The following FRMPD1 variants were observed in gnomAD, a reference collection of about 807,000 sequenced individuals.
The protein encoded by FRMPD1 is FERM and PDZ domain-containing protein 1.
A neutral mutation model predicts 117.8 loss-of-function variants in FRMPD1; 76 were observed. The observed-to-expected ratio is 0.65, with a 90% confidence interval of 0.54 to 0.78. The LOEUF (loss-of-function observed/expected upper bound fraction) is 0.78, where lower values mean the gene tolerates loss of function less well. Among genes scored for constraint, FRMPD1 ranks in the 30% least tolerant of loss-of-function variants. The pLI, the probability that FRMPD1 is intolerant of heterozygous loss-of-function variation, is 0.00. For missense variants in FRMPD1, 1,786 were observed against 1,964.5 expected (o/e 0.91, Z 1.72); for synonymous variants, 783 against 770.4 (o/e 1.02, Z -0.27).
At chr9:37,724,344 C>G in intron 7 of FRMPD1, 24 bp downstream of exon 7, 1 of 1,268,148 alleles carries the variant, frequency 7.9e-7, no homozygotes, top group Non-Finnish European at 1.2e-6. Context: ...ACTTGAACTT[C>G]TTTTCCCAAG....
Position 37,740,971 on chromosome 9 carries a change from G to A in FRMPD1, c.2356+87G>A. The A allele has an allele frequency of 1.0e-6, 1 of 987,778 alleles. No homozygotes were observed. The highest frequency in any genetic ancestry group is 1.6e-5 in the African/African-American group (1 of 62,866). 61.2% of individuals were successfully genotyped at this position (987,778 alleles called of 1,614,324 possible). ...CAAGGCCTGGGGCCAAGCTTGAGAG[G>A]AAGGCACATGAGTGAAACAGGGTCC... is the stretch of plus-strand genomic sequence containing the variant. On this transcript the variant is annotated intron_variant, in intron 15 of 15. Coordinates refer to ENST00000377765, the MANE Select transcript of FRMPD1 (RefSeq NM_014907.3). The surrounding 1 kb of genome is among the most constrained non-coding windows in gnomAD (Gnocchi z 4.2).
chr9:37,692,965 T>G (rs1822196822), intron 2 of FRMPD1, among the ~76,000 whole-genome samples: 1 of 151,804 alleles, frequency 6.6e-6, no homozygotes, highest in Non-Finnish European at 1.5e-5. Context: ...ACACCCCAAC[T>G]CACACACACT....
At chr9:37,650,943 C>T (rs1335451069), upstream of FRMPD1, 1 of 150,670 alleles carries the variant, frequency 6.6e-6, no homozygotes. Context: ...CGGCTGCAGC[C>T]TCGGCGCGGG....
At chr9:37,651,772 G>A (rs568954824) in intron 1 of FRMPD1, among the ~76,000 whole-genome samples, 81 of 152,384 alleles carry the variant, frequency 5.3e-4, no homozygotes, top group African/African-American at 1.9e-3. Context: ...CCTTGGGCAA[G>A]TGCCCCCTGC....
At chr9:37,637,971 T>G in the FRMPD1 span, among the ~76,000 whole-genome samples, 12,394 of 78,820 alleles carry the variant, frequency 0.16, 2,377 homozygotes, top group Middle Eastern at 0.24. Context: ...ATGCTTTCTT[T>G]CTTTCTTTCT....
chr9:37,618,567 C>T, the FRMPD1 span, among the ~76,000 whole-genome samples: 1 of 152,156 alleles, frequency 6.6e-6, no homozygotes, highest in African/African-American at 2.4e-5. Context: ...AAATAGCCTA[C>T]ATATTAAGTG....
intron 1 of FRMPD1, among the ~76,000 whole-genome samples, chr9:37,673,987 ATTGTC>A (rs1349412141): frequency 6.6e-6 from 1 of 152,086 alleles, no homozygotes; most frequent in Non-Finnish European, 1.5e-5. Context: ...CATTTTCCCT[ATTGTC>A]TTGGGGATTA....
intron 6 of FRMPD1, among the ~76,000 whole-genome samples, chr9:37,721,029 T>C (rs1251578457): frequency 6.6e-6 from 1 of 152,190 alleles, no homozygotes; most frequent in African/African-American, 2.4e-5. Flanking sequence ...CCTGGTTGAT[T>C]TGTAAAAATG....
the FRMPD1 span, among the ~76,000 whole-genome samples, chr9:37,630,406 G>A: frequency 2.0e-5 from 3 of 151,872 alleles, no homozygotes; most frequent in African/African-American, 4.8e-5. Flanking sequence ...TTATGAGACA[G>A]GGTTTCGCTC....
intron 5 of FRMPD1, among the ~76,000 whole-genome samples, chr9:37,717,638 C>G (rs908660170): frequency 1.3e-5 from 2 of 152,100 alleles, no homozygotes. Context: ...CCTCAGCCTC[C>G]CAAAGCGCTG....
intron 1 of FRMPD1, among the ~76,000 whole-genome samples, chr9:37,688,088 A>C (rs980557149): frequency 7.2e-5 from 11 of 151,960 alleles, no homozygotes; most frequent in Admixed American, 1.3e-4. Context: ...TAGGATGCTT[A>C]TTTTATGTAA....
At chr9:37,728,416 C>T (rs1038837907) in intron 7 of FRMPD1, among the ~76,000 whole-genome samples, 1 of 152,110 alleles carries the variant, frequency 6.6e-6, no homozygotes, top group Non-Finnish European at 1.5e-5. Context: ...TGGACTGAAA[C>T]TCGAAGGAAG....
chr9:37,730,931 T>C, intron 8 of FRMPD1, 53 bp from the exon 9 acceptor site: 2 of 1,600,470 alleles, frequency 1.2e-6, no homozygotes, highest in Non-Finnish European at 8.6e-7. Context: ...GTGGAATGAC[T>C]GCAAGGACAA....
intron 1 of FRMPD1, among the ~76,000 whole-genome samples, chr9:37,684,366 A>G (rs1194024182): frequency 6.6e-6 from 1 of 152,274 alleles, no homozygotes; most frequent in Admixed American, 6.5e-5. Context: ...GATAACCTGT[A>G]TACATTGCTT....
intron 1 of FRMPD1, among the ~76,000 whole-genome samples, chr9:37,683,471 A>G (rs1223678726): frequency 6.6e-6 from 1 of 152,210 alleles, no homozygotes. Flanking sequence ...AACAGACTGT[A>G]GAGGGGAGTG....
intron 1 of FRMPD1, among the ~76,000 whole-genome samples, chr9:37,673,547 GC>G (rs1368101007): frequency 2.6e-5 from 4 of 152,226 alleles, no homozygotes; most frequent in Non-Finnish European, 5.9e-5. Context: ...AGTAGGCAGT[GC>G]CCCAGTAGGG....
rs111947979 is a variant in FRMPD1, at chr9:37,740,263, A to G, written c.1735A>G (p.Ser579Gly). Residue 579 changes from serine (S) to glycine (G), a missense_variant, in exon 15 of 16, where the codon AGC becomes GGC. By Grantham distance (56) the Ser-to-Gly change is moderately conservative (BLOSUM62 0). Coordinates refer to ENST00000377765, the MANE Select transcript of FRMPD1 (RefSeq NM_014907.3). This position sits in a 1 kb window ranked among gnomAD's most constrained non-coding sequence, Gnocchi z 4.2. Reference sequence around the variant, plus strand: ...GAGGGGCCCCAGCACCTGCGGGGCCAGCAGCACGACAGACAGTGCCGAGTC... The same window carrying G: ...GAGGGGCCCCAGCACCTGCGGGGCCGGCAGCACGACAGACAGTGCCGAGTC... ...ARRGPSTCGA[S>G]STTDSAESEA... 6.2e-7 allele frequency: 1 copy of G among 1,613,906 alleles called. No individual in the cohort carries two copies. The highest frequency in any genetic ancestry group is 2.2e-5 in the East Asian group (1 of 44,880).
At position 37,683,498 on chromosome 9, in the gene FRMPD1, TACA is replaced by T. The variant is rs1234751669; in HGVS notation, c.-4-9139_-4-9137del. Among the ~76,000 whole-genome samples the T allele has an allele frequency of 9.1e-4, 139 of 152,302 alleles. 1 individual carries two copies. The highest frequency in any genetic ancestry group is 3.4e-3 in the Middle Eastern group (1 of 294). On this transcript the variant is annotated intron_variant, in intron 1 of 15. Coordinates refer to ENST00000377765, the MANE Select transcript of FRMPD1 (RefSeq NM_014907.3). ...AGGGGAGTGTTCTGTGCAAATCCAG[TACA>T]CTACTGTGCCTGTTCATTGAAGTGT...
chr9:37,621,247 C>G, the FRMPD1 span, among the ~76,000 whole-genome samples: 3 of 152,170 alleles, frequency 2.0e-5, no homozygotes, highest in African/African-American at 7.2e-5. Flanking sequence ...TGAATTGTAA[C>G]AGGGTGTTAG....
Sources: allele counts gnomAD v4.1 joint callset (sites outside exome capture counted in the v4.1 genomes callset), GRCh38; gene constraint gnomAD v4.1.1; non-coding constraint Gnocchi (gnomAD v3.1); transcripts MANE v1.5; gene names NCBI Gene and HGNC (gene_info 2026-07-23, HGNC 2026-07-21).